Variants in RSRC1 observed in about 807,000 individuals in gnomAD.
RSRC1 encodes arginine and serine rich coiled-coil 1.
In RSRC1, 39 loss-of-function variants were observed where a neutral mutation model predicts 49.1. The ratio of observed to expected loss-of-function variants is 0.79; its 90% CI spans 0.61 to 1.04. RSRC1 has a LOEUF of 1.04. Ranked by LOEUF, RSRC1 falls within the 50% of genes least tolerant of loss-of-function variation. The pLI is 0.00. For missense variants in RSRC1, 388 were observed against 402.4 expected (o/e 0.96, Z 0.31); for synonymous variants, 143 against 130.8 (o/e 1.09, Z -0.63).
rs1553788488 is a variant in RSRC1 at position 158,334,649 on chromosome 3, T to TTTTGTGTG, written c.532-20207_532-20206insTTGTGTGT. On this transcript the variant is annotated intron_variant, in intron 5 of 9. Coordinates refer to ENST00000611884, the MANE Select transcript of RSRC1 (RefSeq NM_001271838.2). ...GCACATGACACCACACCCAGCTAAT[T>TTTTGTGTG]TGTGTGTGTGTGTGTGTGTGTGTGT... is the stretch of plus-strand genomic sequence containing the variant. Among the ~76,000 whole-genome samples the TTTTGTGTG allele has an allele frequency of 1.2e-4, 17 of 137,536 alleles. 1 individual carries two copies. The highest frequency in any genetic ancestry group is 4.8e-4 in the African/African-American group (17 of 35,720). The allele number at this position is 137,536 out of a possible 152,430, so 90.2% of individuals were successfully genotyped here.
intron 7 of RSRC1, among the ~76,000 whole-genome samples, chr3:158,470,225 T>C (rs1364660156): frequency 6.6e-6 from 1 of 151,894 alleles, no homozygotes; most frequent in Non-Finnish European, 1.5e-5. Context: ...TTATGAACTT[T>C]GATATTACTC....
chr3:158,225,540 T>A (rs549523415), intron 4 of RSRC1: 3 of 314,042 alleles, frequency 9.6e-6, no homozygotes, highest in Non-Finnish European at 1.9e-5. Flanking sequence ...TTTGTTTGTC[T>A]TGTTAAAAAG....
chr3:158,219,166 A>T (rs967587759), intron 4 of RSRC1, among the ~76,000 whole-genome samples: 2 of 151,664 alleles, frequency 1.3e-5, no homozygotes, highest in African/African-American at 4.8e-5. Context: ...AGGGATTATT[A>T]TATGTTTAGG....
chr3:158,378,718 A>G (rs1013065189), intron 6 of RSRC1, among the ~76,000 whole-genome samples: 1 of 152,146 alleles, frequency 6.6e-6, no homozygotes. Context: ...ATTCCTCCTT[A>G]CTTCCAGTGG....
chr3:158,449,160 C>G (rs542255927), intron 6 of RSRC1, among the ~76,000 whole-genome samples: 1 of 151,508 alleles, frequency 6.6e-6, no homozygotes, highest in Non-Finnish European at 1.5e-5. Flanking sequence ...ACTTAAAGCA[C>G]GAGATGCAAC....
chr3:158,160,960 G>T (rs1718179399), intron 3 of RSRC1, among the ~76,000 whole-genome samples: 1 of 152,060 alleles, frequency 6.6e-6, no homozygotes, highest in South Asian at 2.1e-4. Flanking sequence ...GCTAGAGCTG[G>T]GAATTCACAC....
chr3:158,380,448 C>T (rs566109007), intron 6 of RSRC1, among the ~76,000 whole-genome samples: 1 of 152,028 alleles, frequency 6.6e-6, no homozygotes, highest in African/African-American at 2.4e-5. Context: ...TGCACTCCAG[C>T]CTGGGCAACA....
intron 5 of RSRC1, chr3:158,303,235 T>C (rs1201523445): frequency 6.6e-6 from 1 of 152,236 alleles, no homozygotes; most frequent in Non-Finnish European, 1.5e-5. Context: ...TCAGAAAATA[T>C]TAAGTCGAGC....
At chr3:158,185,766 G>A (rs1384725612) in intron 3 of RSRC1, among the ~76,000 whole-genome samples, 1 of 151,760 alleles carries the variant, frequency 6.6e-6, no homozygotes, top group Admixed American at 6.6e-5. Context: ...TTATTTAAAA[G>A]TTTAACTTAA....
intron 5 of RSRC1, among the ~76,000 whole-genome samples, chr3:158,331,620 G>A (rs972941608): frequency 6.6e-6 from 1 of 151,894 alleles, no homozygotes; most frequent in African/African-American, 2.4e-5. Context: ...CTGTTAGTTT[G>A]AACCAAATGA....
chr3:158,259,727 G>A (rs541731340), intron 4 of RSRC1, among the ~76,000 whole-genome samples: 5 of 152,090 alleles, frequency 3.3e-5, no homozygotes, highest in African/African-American at 1.2e-4. Flanking sequence ...GGCCTGGAGC[G>A]AGGAACCTTA....
chr3:158,163,139 G>A (rs1482959321), intron 3 of RSRC1, among the ~76,000 whole-genome samples: 1 of 152,076 alleles, frequency 6.6e-6, no homozygotes, highest in Non-Finnish European at 1.5e-5. Flanking sequence ...TAGTAGCTGG[G>A]ATTACAGGCA....
At chr3:158,183,305 A>G (rs2108255368) in intron 3 of RSRC1, among the ~76,000 whole-genome samples, 1 of 152,190 alleles carries the variant, frequency 6.6e-6, no homozygotes, top group Non-Finnish European at 1.5e-5. Context: ...TTTCAATGCT[A>G]AGTTCAACTA....
At chr3:158,204,314 A>C (rs917090078) in intron 4 of RSRC1, among the ~76,000 whole-genome samples, 1 of 152,128 alleles carries the variant, frequency 6.6e-6, no homozygotes, top group African/African-American at 2.4e-5. Context: ...AGTATTCTTT[A>C]AATGTTAAAT....
At chr3:158,205,630 C>A (rs1442472598) in intron 4 of RSRC1, among the ~76,000 whole-genome samples, 1 of 152,058 alleles carries the variant, frequency 6.6e-6, no homozygotes, top group African/African-American at 2.4e-5. Flanking sequence ...GCTGTGGAAA[C>A]ACTGTACCAG....
chr3:158,276,469 G>T, intron 4 of RSRC1: 1 of 641,046 alleles, frequency 1.6e-6, no homozygotes, highest in Non-Finnish European at 2.8e-6. Context: ...GCCAAGGTTA[G>T]CCTTTAGATA....
chr3:158,215,569 C>T (rs777100545), intron 4 of RSRC1, among the ~76,000 whole-genome samples: 12 of 151,580 alleles, frequency 7.9e-5, no homozygotes, highest in Non-Finnish European at 1.2e-4. Flanking sequence ...TCTGATTTCC[C>T]TTTCCTATAT....
intron 4 of RSRC1, among the ~76,000 whole-genome samples, chr3:158,238,842 G>A (rs1723394646): frequency 1.3e-5 from 2 of 152,130 alleles, no homozygotes; most frequent in Non-Finnish European, 2.9e-5. Context: ...AAAAGCAGTG[G>A]CAACAAAAGC....
intron 3 of RSRC1, among the ~76,000 whole-genome samples, chr3:158,197,378 G>T (rs546519267): frequency 1.3e-5 from 2 of 151,770 alleles, no homozygotes; most frequent in Non-Finnish European, 2.9e-5. Context: ...TGCGTCTATT[G>T]GATTCTTCTC....
Sources: gnomAD v4.1 joint callset for allele counts (sites outside exome capture counted in the v4.1 genomes callset) on GRCh38, gnomAD v4.1.1 for gene constraint, MANE v1.5 for transcripts, NCBI Gene and HGNC (gene_info 2026-07-23, HGNC 2026-07-21) for gene names.